The following UIMC1 variants were observed in gnomAD, a reference collection of about 807,000 sequenced individuals.
UIMC1 encodes the protein BRCA1-A complex subunit RAP80.
Under a neutral mutation model 84.9 loss-of-function variants are expected in UIMC1, and 42 were observed. The observed-to-expected ratio is 0.49, with a 90% CI of 0.39 to 0.64. The LOEUF (loss-of-function observed/expected upper bound fraction) is 0.64, where lower values mean the gene tolerates loss of function less well. UIMC1 is among the 30% of genes least tolerant of loss of function. UIMC1 has a pLI of 0.00. For synonymous variants in UIMC1, 281 were observed against 293.0 expected (o/e 0.96, Z 0.42); for missense variants, 825 against 847.6 (o/e 0.97, Z 0.33).
chr5:177,020,873 G>T (rs938869682), intron 1 of UIMC1, among the ~76,000 whole-genome samples: 1 of 152,160 alleles, frequency 6.6e-6, no homozygotes, highest in African/African-American at 2.4e-5. Context: ...TTGAAAAAAT[G>T]AGGTTGAAAT....
At chr5:176,916,681 TATA>T (rs1761017965) in intron 10 of UIMC1, among the ~76,000 whole-genome samples, 1 of 152,232 alleles carries the variant, frequency 6.6e-6, no homozygotes, top group South Asian at 2.1e-4. Flanking sequence ...TATTTGTTTA[TATA>T]ATTTTCATTA....
At chr5:176,971,963 T>C (rs751487919) in intron 3 of UIMC1, among the ~76,000 whole-genome samples, 7 of 152,212 alleles carry the variant, frequency 4.6e-5, no homozygotes, top group Non-Finnish European at 1.0e-4. Flanking sequence ...TTTTTAAAAA[T>C]ACATAGACTA....
intron 10 of UIMC1, among the ~76,000 whole-genome samples, chr5:176,918,094 G>C (rs1581372131): frequency 6.6e-6 from 1 of 152,218 alleles, no homozygotes; most frequent in African/African-American, 2.4e-5. Flanking sequence ...CCATTGGATA[G>C]TGCTGTTCTT....
At chr5:176,942,794 C>A (rs909850326) in intron 10 of UIMC1, among the ~76,000 whole-genome samples, 15 of 150,688 alleles carry the variant, frequency 1.0e-4, no homozygotes, top group Admixed American at 9.9e-4. Context: ...GTGGGTCACA[C>A]CTGTAATCTC....
chr5:176,913,337 T>C (rs1231398989), intron 10 of UIMC1, among the ~76,000 whole-genome samples: 1 of 152,214 alleles, frequency 6.6e-6, no homozygotes, highest in Non-Finnish European at 1.5e-5. Context: ...TAAGAGGAAT[T>C]GACTTCACCA....
intron 10 of UIMC1, among the ~76,000 whole-genome samples, chr5:176,928,353 G>A (rs936967650): frequency 1.3e-5 from 2 of 152,108 alleles, no homozygotes; most frequent in Admixed American, 1.3e-4. Flanking sequence ...GCTTTTAAGA[G>A]TACATTTTCT....
intron 9 of UIMC1, among the ~76,000 whole-genome samples, chr5:176,944,171 TC>T (rs1168056910): frequency 0.033 from 4,990 of 152,254 alleles, 286 homozygotes; most frequent in African/African-American, 0.11. Context: ...AGAACATAAG[TC>T]TGTACTTAGA....
chr5:176,929,859 C>T (rs936981785), intron 10 of UIMC1, among the ~76,000 whole-genome samples: 1 of 152,138 alleles, frequency 6.6e-6, no homozygotes, highest in African/African-American at 2.4e-5. Context: ...GAAAAAACCA[C>T]AAGAGCCCTC....
Position 176,969,046 on chromosome 5 carries a change from T to G in UIMC1, c.709A>C (p.Thr237Pro), listed in dbSNP as rs1311238764. The change falls in exon 6 of 15, where the codon ACT (threonine) becomes CCT (proline). Residue 237 changes from threonine (T) to proline (P), a missense_variant. By Grantham distance (38) the Thr-to-Pro change is conservative (BLOSUM62 -1). Transcript: ENST00000511320. ...HTQCGKPQES[T>P]GRGSAFLKAV... ...TTGAGAAAAGCAGAACCCCTCCCAG[T>G]ACTTTCCTGTGGCTTCCCACACTGT... 6.2e-7 allele frequency: 1 copy of G among 1,614,228 alleles called. No individual in the cohort carries two copies. The highest frequency in any genetic ancestry group is 1.1e-5 in the South Asian group (1 of 91,084).
At chr5:176,951,355 C>T (rs1330726265) in intron 9 of UIMC1, 119 bp downstream of exon 9, 8 of 619,828 alleles carry the variant, frequency 1.3e-5, no homozygotes, top group Non-Finnish European at 1.9e-5. Context: ...AACATAAGGG[C>T]CCCCAAAACT....
At chr5:176,906,696 G>A (rs1027803708) in intron 13 of UIMC1, among the ~76,000 whole-genome samples, 1 of 152,126 alleles carries the variant, frequency 6.6e-6, no homozygotes, top group African/African-American at 2.4e-5. Context: ...TAAATACTAC[G>A]CACAAACGCT....
At chr5:176,922,167 GTATT>G (rs1761791420) in intron 10 of UIMC1, among the ~76,000 whole-genome samples, 1 of 151,962 alleles carries the variant, frequency 6.6e-6, no homozygotes, top group Non-Finnish European at 1.5e-5. Flanking sequence ...TTCTTAAATT[GTATT>G]TATTATCTGT....
Position 176,970,784 on chromosome 5 carries a change from T to TTCC in UIMC1, c.312_314dup (p.Glu108dup). The TTCC allele has an allele frequency of 6.2e-7, 1 of 1,614,124 alleles. No individual in the cohort carries two copies. Among genetic ancestry groups the TTCC allele is most frequent in the Non-Finnish European group, 8.5e-7 (1 of 1,180,028 alleles). ...TGGCTTTCCTCAAGAGCTCCTCTTC[T>TTCC]TCCTCCTCCTGGCTGTTCACCTCCC... On this transcript the variant is annotated inframe_insertion, in exon 4 of 15. Transcript: ENST00000511320.
chr5:176,923,888 T>C (rs35357446), intron 10 of UIMC1, among the ~76,000 whole-genome samples: 2,547 of 136,768 alleles, frequency 0.019, 37 homozygotes, highest in South Asian at 0.051. Flanking sequence ...TATATATATA[T>C]ACACACACAC....
At chr5:177,007,093 C>A (rs1775375908), upstream of UIMC1, among the ~76,000 whole-genome samples, 1 of 152,112 alleles carries the variant, frequency 6.6e-6, no homozygotes. Context: ...GTAATCCCAG[C>A]GCTTTGGGAG....
At chr5:176,952,420 T>C (rs898868921) in intron 8 of UIMC1, among the ~76,000 whole-genome samples, 13 of 152,198 alleles carry the variant, frequency 8.5e-5, no homozygotes, top group African/African-American at 2.4e-4. Context: ...ATGGGGTCCC[T>C]TGTAGTCTAG....
intron 10 of UIMC1, among the ~76,000 whole-genome samples, chr5:176,914,700 A>T (rs959538244): frequency 1.3e-5 from 2 of 152,364 alleles, no homozygotes; most frequent in Middle Eastern, 3.4e-3. Context: ...CATACTTTTC[A>T]TGGTATACTT....
intron 2 of UIMC1, among the ~76,000 whole-genome samples, chr5:176,976,956 C>T (rs1770174013): frequency 6.6e-6 from 1 of 152,196 alleles, no homozygotes; most frequent in Non-Finnish European, 1.5e-5. Flanking sequence ...GGCGCAGTGG[C>T]TCACGCCTGT....
intron 3 of UIMC1, among the ~76,000 whole-genome samples, chr5:176,975,017 G>T (rs750127572): frequency 2.6e-5 from 4 of 151,816 alleles, no homozygotes; most frequent in Non-Finnish European, 5.9e-5. Flanking sequence ...GCCAGGCGTC[G>T]TGGGGCATAG....
Sources: allele counts gnomAD v4.1 joint callset (sites outside exome capture counted in the v4.1 genomes callset), GRCh38; gene constraint gnomAD v4.1.1; transcripts MANE v1.5; gene names NCBI Gene and HGNC (gene_info 2026-07-23, HGNC 2026-07-21).